The following ASAP1 variants were observed in gnomAD, a reference collection of about 807,000 sequenced individuals.
ASAP1 encodes the protein ArfGAP with SH3 domain, ankyrin repeat and PH domain 1, also known as arf-GAP with SH3 domain, ANK repeat and PH domain-containing protein 1.
In ASAP1, 43 loss-of-function variants were observed where a neutral mutation model predicts 145.2. The observed-to-expected ratio is 0.30, with a 90% CI of 0.23 to 0.38. ASAP1 has a LOEUF of 0.38. Ranked by LOEUF, ASAP1 falls within the 10% of genes least tolerant of loss-of-function variation. The pLI, the probability that ASAP1 is intolerant of heterozygous loss-of-function variation, is 1.00. For missense variants in ASAP1, 1,018 were observed against 1,355.3 expected (o/e 0.75, Z 3.91); for synonymous variants, 546 against 515.5 (o/e 1.06, Z -0.80).
At chr8:130,395,708 A>C (rs10087287) in intron 2 of ASAP1, among the ~76,000 whole-genome samples, 127,820 of 151,382 alleles carry the variant, frequency 0.84, 54,409 homozygotes, top group African/African-American at 0.95. Flanking sequence ...ACTCTGTCAC[A>C]CAGGCTGGAG....
intron 1 of ASAP1, among the ~76,000 whole-genome samples, chr8:130,434,750 T>C (rs1359514708): frequency 1.3e-5 from 2 of 151,978 alleles, no homozygotes; most frequent in Admixed American, 6.6e-5. Context: ...AAAAATTCCA[T>C]CCCAGAACGG....
intron 4 of ASAP1, among the ~76,000 whole-genome samples, chr8:130,235,703 T>C (rs1194657567): frequency 6.6e-6 from 1 of 152,090 alleles, no homozygotes; most frequent in South Asian, 2.1e-4. Flanking sequence ...GGGTGCAAAA[T>C]GTGTTAACAA....
intron 18 of ASAP1, among the ~76,000 whole-genome samples, chr8:130,121,537 A>G (rs1263053040): frequency 6.6e-6 from 1 of 152,046 alleles, no homozygotes; most frequent in Non-Finnish European, 1.5e-5. Flanking sequence ...ATCCCAGCAC[A>G]CTGGGAGGCC....
chr8:130,079,809 C>T (rs981648015), intron 26 of ASAP1, 93 bp downstream of exon 26: 9 of 1,315,204 alleles, frequency 6.8e-6, no homozygotes, highest in Non-Finnish European at 9.8e-6. Flanking sequence ...CAGCTTTGAG[C>T]AGCGCTGGGA....
rs190677758 is a variant in ASAP1, at chr8:130,276,991, T to C, written c.187-39997A>G. Among the ~76,000 whole-genome samples the C allele has an allele frequency of 9.7e-4, 148 of 152,276 alleles. 2 individuals carry two copies. The highest frequency in any genetic ancestry group is 3.3e-3 in the African/African-American group (139 of 41,556). ...GTCAGTCCCTGGGGTCCCTTGTCCA[T>C]GTGCAGCCTAGCTGACTCACAATAG... On this transcript the variant is annotated intron_variant, in intron 3 of 29. Coordinates refer to ENST00000518721, the MANE Select transcript of ASAP1 (RefSeq NM_018482.4).
intron 3 of ASAP1, among the ~76,000 whole-genome samples, chr8:130,313,039 A>C (rs1360148446): frequency 6.6e-6 from 1 of 152,248 alleles, no homozygotes; most frequent in African/African-American, 2.4e-5. Flanking sequence ...ATGAAAGAAC[A>C]CAAGTGAACT....
intron 3 of ASAP1, among the ~76,000 whole-genome samples, chr8:130,247,282 A>T (rs1050610045): frequency 5.9e-5 from 9 of 152,168 alleles, no homozygotes; most frequent in Non-Finnish European, 1.3e-4. Flanking sequence ...TAAAATGACA[A>T]TGTGACATTG....
intron 3 of ASAP1, among the ~76,000 whole-genome samples, chr8:130,262,489 G>T (rs1329715268): frequency 7.1e-6 from 1 of 141,210 alleles, no homozygotes; most frequent in Non-Finnish European, 1.5e-5. Context: ...TTAGACAGAA[G>T]GTTTATTCAC....
intron 28 of ASAP1, among the ~76,000 whole-genome samples, chr8:130,060,075 C>CAA (rs55875346): frequency 0.019 from 1,795 of 95,538 alleles, 178 homozygotes; most frequent in African/African-American, 0.065. Context: ...GAGCCCTTCT[C>CAA]AAAAAAAAAA....
At chr8:130,333,016 C>A (rs530567627) in intron 3 of ASAP1, among the ~76,000 whole-genome samples, 1 of 152,136 alleles carries the variant, frequency 6.6e-6, no homozygotes, top group Non-Finnish European at 1.5e-5. Context: ...CACAGTGATT[C>A]AAGCACAAAG....
intron 1 of ASAP1, among the ~76,000 whole-genome samples, chr8:130,409,631 G>A (rs1236815911): frequency 6.6e-6 from 1 of 152,206 alleles, no homozygotes; most frequent in African/African-American, 2.4e-5. Flanking sequence ...GCCAAGAAGG[G>A]CTGAGGTATT....
At chr8:130,060,511 C>T in intron 28 of ASAP1, 68 bp downstream of exon 28, 2 of 1,521,900 alleles carry the variant, frequency 1.3e-6, no homozygotes, top group South Asian at 1.3e-5. Context: ...AGTTGGAGCA[C>T]CTGCCCTCCC....
chr8:130,113,625 G>A (rs1299521962), intron 23 of ASAP1, among the ~76,000 whole-genome samples: 1 of 147,782 alleles, frequency 6.8e-6, no homozygotes, highest in Admixed American at 7.0e-5. Context: ...ACTTTCAGAG[G>A]TAGTTAACTG....
intron 3 of ASAP1, among the ~76,000 whole-genome samples, chr8:130,278,101 A>C (rs1821027495): frequency 6.6e-6 from 1 of 152,162 alleles, no homozygotes; most frequent in South Asian, 2.1e-4. Context: ...AGGGCCTTAT[A>C]AAAGTTATGT....
intron 10 of ASAP1, 118 bp downstream of exon 10, chr8:130,168,872 TTG>T (rs1282940477): frequency 1.1e-5 from 7 of 616,736 alleles, no homozygotes; most frequent in Non-Finnish European, 2.0e-5. Flanking sequence ...TGTCCTAGGT[TTG>T]TACAGACATA....
rs532567010 is a variant in ASAP1 at position 130,075,467 on chromosome 8, C to T, written c.2701+881G>A. Among the ~76,000 whole-genome samples the T allele has an allele frequency of 8.5e-5, 13 of 152,332 alleles. No homozygotes were observed. The East Asian group carries it at 2.5e-3, about 29-fold the overall frequency. On this transcript the variant is annotated intron_variant, in intron 27 of 29. Coordinates refer to ENST00000518721, the MANE Select transcript of ASAP1 (RefSeq NM_018482.4). Reference sequence around the variant, plus strand: ...TCTGCTCAAACTAGGCAACGGAGCACTAGACTGGGGTCACAAATCTTGCTG... The same window carrying T: ...TCTGCTCAAACTAGGCAACGGAGCATTAGACTGGGGTCACAAATCTTGCTG...
At chr8:130,081,509 A>G (rs924348617) in intron 25 of ASAP1, among the ~76,000 whole-genome samples, 5 of 152,106 alleles carry the variant, frequency 3.3e-5, no homozygotes. Context: ...CTAGAAGACT[A>G]TAATACTGCC....
At chr8:130,329,508 A>G (rs1163962023) in intron 3 of ASAP1, among the ~76,000 whole-genome samples, 2 of 152,142 alleles carry the variant, frequency 1.3e-5, no homozygotes, top group Non-Finnish European at 2.9e-5. Flanking sequence ...CCAAATCTAT[A>G]GTCCTACAGA....
At chr8:130,175,361 T>C (rs780764813) in intron 9 of ASAP1, among the ~76,000 whole-genome samples, 1 of 152,036 alleles carries the variant, frequency 6.6e-6, no homozygotes, top group African/African-American at 2.4e-5. Context: ...GCTGGGAAAA[T>C]AGGCGTGTGC....
Sources: allele counts gnomAD v4.1 joint callset (sites outside exome capture counted in the v4.1 genomes callset), GRCh38; gene constraint gnomAD v4.1.1; transcripts MANE v1.5; gene names NCBI Gene and HGNC (gene_info 2026-07-23, HGNC 2026-07-21).